PALS2: variants seen among roughly 807,000 people sequenced by gnomAD.
PALS2 encodes protein PALS2.
PALS2 carries 27 observed loss-of-function variants against 61.6 expected under a neutral mutation model. The ratio of observed to expected loss-of-function variants is 0.44; its 90% CI spans 0.32 to 0.60. The LOEUF (loss-of-function observed/expected upper bound fraction) is 0.60. Among genes scored for constraint, PALS2 ranks in the 20% least tolerant of loss-of-function variants. The probability of loss-of-function intolerance (pLI) is 0.05; values close to 1 mark genes in which losing one functional copy is unlikely to be tolerated. For synonymous variants in PALS2, 236 were observed against 218.6 expected, an observed-to-expected ratio of 1.08 and a Z score of -0.70; for missense variants, 554 against 639.4, an observed-to-expected ratio of 0.87 and a Z score of 1.44.
At position 24,660,554 on chromosome 7, in the gene PALS2, A is replaced by C. The variant is rs549621030; in HGVS notation, c.652-3036A>C. On this transcript the variant is annotated intron_variant, in intron 5 of 11. Transcript: ENST00000222644. The stretch of plus-strand genomic sequence containing the variant: ...ACTTCCTATTGACAAACACACACAC[A>C]CACACACTTTTTTAACGACTATATA... Among the ~76,000 whole-genome samples, 4 of 152,104 alleles carry C rather than the reference A, an allele frequency of 2.6e-5. No individual in the cohort carries two copies. The East Asian group carries it at 7.7e-4, about 29-fold the overall frequency.
chr7:24,664,962 A>G (rs573821781), intron 6 of PALS2, among the ~76,000 whole-genome samples: 7 of 152,090 alleles, frequency 4.6e-5, no homozygotes, highest in African/African-American at 1.7e-4. Context: ...TAGATTTTCT[A>G]TGCTAGTTGT....
At chr7:24,621,776 GTTAATA>G (rs1209300143) in intron 1 of PALS2, among the ~76,000 whole-genome samples, 1 of 151,792 alleles carries the variant, frequency 6.6e-6, no homozygotes, top group African/African-American at 2.4e-5. Flanking sequence ...AAAAATAAAA[GTTAATA>G]TTAAAAACGA....
chr7:24,679,382 G>C (rs768546701), intron 10 of PALS2, 49 bp downstream of exon 10: 1 of 1,588,038 alleles, frequency 6.3e-7, no homozygotes, highest in African/African-American at 1.4e-5. Context: ...TTTCTGTGGA[G>C]TTTTTTTCAT....
chr7:24,641,848 C>G lies in PALS2; in HGVS notation c.250C>G (p.Leu84Val). The change falls in exon 3 of 12, where the codon CTC (leucine) becomes GTC (valine). Residue 84 changes from leucine (L) to valine (V), a missense_variant. Physicochemically the swap from Leu to Val is conservative, Grantham distance 32. Coordinates refer to ENST00000222644, the MANE Select transcript of PALS2 (RefSeq NM_001303037.2). The stretch of plus-strand genomic sequence containing the variant: ...AAATGTGGCAGAATTGGTTGGTATA[C>G]TCAAAGAACCTCACTTCCAGGTAAC... The part of the protein sequence containing the change: ...DENVAELVGI[L>V]KEPHFQSLLE... 1 of 1,612,456 alleles carries G rather than the reference C, an allele frequency of 6.2e-7. No homozygotes were observed. Among genetic ancestry groups the G allele is most frequent in the Non-Finnish European group, 8.5e-7 (1 of 1,179,540 alleles).
chr7:24,640,152 A>G (rs1326568344), intron 2 of PALS2, among the ~76,000 whole-genome samples: 2 of 150,720 alleles, frequency 1.3e-5, no homozygotes, highest in Admixed American at 6.6e-5. Flanking sequence ...TTCTTCCTCT[A>G]TTTCAATTAC....
At chr7:24,654,681 T>A (rs114212565) in intron 5 of PALS2, among the ~76,000 whole-genome samples, 3 of 152,204 alleles carry the variant, frequency 2.0e-5, no homozygotes, top group African/African-American at 7.2e-5. Context: ...CATTAACTTG[T>A]AGATTTAATG....
intron 1 of PALS2, among the ~76,000 whole-genome samples, chr7:24,601,547 G>C (rs1783720050): frequency 6.6e-6 from 1 of 151,944 alleles, no homozygotes; most frequent in Non-Finnish European, 1.5e-5. Context: ...CCTGAGTTGG[G>C]CCTTCTAGAT....
chr7:24,593,606 T>C (rs549186308), intron 1 of PALS2, among the ~76,000 whole-genome samples: 53 of 152,284 alleles, frequency 3.5e-4, no homozygotes, highest in Admixed American at 3.9e-4. Flanking sequence ...TTAGCAGGCA[T>C]GAAAATAACA....
chr7:24,623,925 A>G, intron 2 of PALS2, 141 bp downstream of exon 2: 1 of 958,706 alleles, frequency 1.0e-6, no homozygotes, highest in Non-Finnish European at 1.6e-6. Context: ...ACATAATGAA[A>G]TCTTAACATA....
At position 24,668,508 on chromosome 7, in the gene PALS2, G is replaced by A. The variant is rs1381266504; in HGVS notation, c.962G>A (p.Arg321His). 2.5e-6 allele frequency: 4 copies of A among 1,610,266 alleles called. No individual in the cohort carries two copies. The highest frequency in any genetic ancestry group is 3.4e-6 in the Non-Finnish European group (4 of 1,178,460). Residue 321 changes from arginine to histidine, a missense_variant, in exon 9 of 12, where the codon CGT becomes CAT. Transcript: ENST00000222644. Reference sequence around the variant, plus strand: ...TTCCTTTTTCATTTAGAATTTGATCGTCATGAAATCCAGATATATGAGGAG... The same window carrying A: ...TTCCTTTTTCATTTAGAATTTGATCATCATGAAATCCAGATATATGAGGAG... ...YLTTRNAEFDRHEIQIYEEVA... is the reference protein window; with the variant it reads ...YLTTRNAEFDHHEIQIYEEVA...
chr7:24,680,582 G>C (rs1787871201), intron 11 of PALS2, 62 bp downstream of exon 11: 3 of 1,515,124 alleles, frequency 2.0e-6, no homozygotes, highest in Non-Finnish European at 8.9e-7. Flanking sequence ...ATGTTTAACT[G>C]TTATCTAATT....
intron 1 of PALS2, among the ~76,000 whole-genome samples, chr7:24,585,578 A>T (rs1025624602): frequency 3.9e-5 from 6 of 151,982 alleles, no homozygotes; most frequent in Non-Finnish European, 1.5e-5. Flanking sequence ...TCCACCCTTG[A>T]TAATTTCATG....
Position 24,650,636 on chromosome 7 carries a change from A to G in PALS2, c.575A>G (p.Glu192Gly). Residue 192 changes from glutamate to glycine, a missense_variant, in exon 5 of 12, where the codon GAA (glutamate) becomes GGA (glycine). Coordinates refer to ENST00000222644, the MANE Select transcript of PALS2 (RefSeq NM_001303037.2). ...GGAAATAATCCAAAGGAATTACAAGAATTACTGAAAAATATTAGTGGAAGT... is the reference window on the plus strand; with the variant it reads ...GGAAATAATCCAAAGGAATTACAAGGATTACTGAAAAATATTAGTGGAAGT... ...EVGNNPKELQ[E>G]LLKNISGSVT... 6.2e-7 allele frequency: 1 copy of G among 1,612,494 alleles called. No individual in the cohort carries two copies. The highest frequency in any genetic ancestry group is 8.5e-7 in the Non-Finnish European group (1 of 1,178,690).
chr7:24,661,288 T>G (rs115715646), intron 5 of PALS2, among the ~76,000 whole-genome samples: 2,043 of 152,126 alleles, frequency 0.013, 46 homozygotes, highest in African/African-American at 0.045. Context: ...TTAATCTGAG[T>G]TTTTGACCAT....
At chr7:24,661,338 A>T (rs1786709721) in intron 5 of PALS2, among the ~76,000 whole-genome samples, 2 of 151,802 alleles carry the variant, frequency 1.3e-5, no homozygotes, top group African/African-American at 4.8e-5. Flanking sequence ...AATGAAAAAA[A>T]AAAAATAAAT....
intron 2 of PALS2, among the ~76,000 whole-genome samples, chr7:24,624,797 G>T (rs1402457378): frequency 6.6e-6 from 1 of 151,596 alleles, no homozygotes; most frequent in African/African-American, 2.4e-5. Flanking sequence ...AGTAGAGGAG[G>T]GGTTTCACCA....
Position 24,650,563 on chromosome 7 carries a change from C to A in PALS2, c.502C>A (p.Leu168Ile). The stretch of plus-strand genomic sequence containing the variant: ...TGGGGGAATGATAGATCGACAAGGT[C>A]TACTTCATGTGGGAGATATAATTAA... ...LHGGMIDRQG[L>I]LHVGDIIKEV... Residue 168 changes from leucine to isoleucine, a missense_variant, in exon 5 of 12, where the codon CTA (leucine) becomes ATA (isoleucine). Physicochemically the swap from Leu to Ile is conservative, Grantham distance 5. Transcript: ENST00000222644. 1 of 1,613,478 alleles carries A rather than the reference C, an allele frequency of 6.2e-7. No homozygotes were observed. Among genetic ancestry groups the A allele is most frequent in the Non-Finnish European group, 8.5e-7 (1 of 1,179,674 alleles).
intron 1 of PALS2, among the ~76,000 whole-genome samples, chr7:24,577,669 C>G (rs1356124517): frequency 6.6e-6 from 1 of 152,060 alleles, no homozygotes; most frequent in East Asian, 1.9e-4. Context: ...GCACTATGTT[C>G]ACTCTGTTGG....
chr7:24,643,989 A>G (rs1017777556), intron 3 of PALS2, among the ~76,000 whole-genome samples: 3 of 151,912 alleles, frequency 2.0e-5, no homozygotes, highest in African/African-American at 4.8e-5. Flanking sequence ...GAAGTAATCA[A>G]TTGTGTTTTT....
Sources: gnomAD v4.1 joint callset for allele counts (sites outside exome capture counted in the v4.1 genomes callset) on GRCh38, gnomAD v4.1.1 for gene constraint, MANE v1.5 for transcripts, NCBI Gene and HGNC (gene_info 2026-07-23, HGNC 2026-07-21) for gene names.